The following GREB1L variants were observed in gnomAD, a reference collection of about 807,000 sequenced individuals.
GREB1L encodes the protein GREB1-like protein.
A neutral mutation model predicts 200.8 loss-of-function variants in GREB1L; 17 were observed. That is an observed-to-expected ratio of 0.08 (90% CI 0.06 to 0.13). The LOEUF (loss-of-function observed/expected upper bound fraction) is 0.13. Among genes scored for constraint, GREB1L ranks in the 10% least tolerant of loss-of-function variants. The pLI, the probability that GREB1L is intolerant of heterozygous loss-of-function variation, is 1.00. For synonymous variants in GREB1L, 789 were observed against 893.0 expected (o/e 0.88, Z 2.08); for missense variants, 1,657 against 2,367.7 (o/e 0.70, Z 6.23).
chr18:21,496,286 A>G (rs2145904237), intron 20 of GREB1L, among the ~76,000 whole-genome samples, 168 bp from the exon 21 acceptor site: 2 of 152,332 alleles, frequency 1.3e-5, no homozygotes, highest in Middle Eastern at 6.8e-3. Context: ...AAAGAAGTGA[A>G]GGTCATAACA....
At chr18:21,446,913 T>C (rs189142418) in intron 11 of GREB1L, among the ~76,000 whole-genome samples, 257 of 152,304 alleles carry the variant, frequency 1.7e-3, no homozygotes, top group African/African-American at 5.9e-3. Flanking sequence ...ATCTTTGAAG[T>C]AGATAATGAA....
intron 1 of GREB1L, among the ~76,000 whole-genome samples, chr18:21,245,791 C>G (rs1281824815): frequency 6.6e-6 from 1 of 152,198 alleles, no homozygotes; most frequent in Non-Finnish European, 1.5e-5. Context: ...GATCTCCACT[C>G]ACTGCAAGCT....
At chr18:21,307,513 C>T (rs1319718961) in intron 1 of GREB1L, among the ~76,000 whole-genome samples, 1 of 152,150 alleles carries the variant, frequency 6.6e-6, no homozygotes, top group Non-Finnish European at 1.5e-5. Context: ...GTGATTCTTT[C>T]TCATTGGATT....
At chr18:21,504,954 A>C (rs1035542369) in intron 23 of GREB1L, among the ~76,000 whole-genome samples, 2 of 152,116 alleles carry the variant, frequency 1.3e-5, no homozygotes, top group Non-Finnish European at 2.9e-5. Flanking sequence ...ATTCTGACTG[A>C]ACTATTCTGG....
intron 1 of GREB1L, among the ~76,000 whole-genome samples, chr18:21,329,232 C>A (rs952773514): frequency 6.7e-6 from 1 of 148,282 alleles, no homozygotes; most frequent in Middle Eastern, 3.5e-3. Context: ...GGCTGAGGCA[C>A]GAGAATGGCT....
chr18:21,508,778 T>A (rs2037122945), intron 27 of GREB1L, 187 bp downstream of exon 27: 1 of 616,120 alleles, frequency 1.6e-6, no homozygotes, highest in Non-Finnish European at 2.8e-6. Flanking sequence ...TTTCCCTTTA[T>A]CTGCACTTTT....
chr18:21,245,354 G>A (rs2037578872), intron 1 of GREB1L, among the ~76,000 whole-genome samples: 1 of 152,084 alleles, frequency 6.6e-6, no homozygotes, highest in South Asian at 2.1e-4. Flanking sequence ...CTAAGAATAA[G>A]AACTAGAAGA....
At chr18:21,358,200 T>G (rs2039532337) in intron 1 of GREB1L, among the ~76,000 whole-genome samples, 1 of 152,190 alleles carries the variant, frequency 6.6e-6, no homozygotes, top group Non-Finnish European at 1.5e-5. Flanking sequence ...TTTTTTTTTA[T>G]TTTGTAGCTA....
At chr18:21,383,485 TC>T in intron 2 of GREB1L, 24 bp from the exon 3 acceptor site, 1 of 1,473,418 alleles carries the variant, frequency 6.8e-7, no homozygotes, top group Non-Finnish European at 9.0e-7. Flanking sequence ...TTTTATCCTT[TC>T]TTCTTTTTCT....
chr18:21,429,388 G>A (rs1485121362), intron 7 of GREB1L, among the ~76,000 whole-genome samples: 2 of 147,906 alleles, frequency 1.4e-5, no homozygotes, highest in Non-Finnish European at 3.0e-5. Flanking sequence ...TGTAACCCAG[G>A]CTGGAGTGCA....
Position 21,403,923 on chromosome 18 carries a change from C to T in GREB1L, c.761C>T (p.Ser254Phe), listed in dbSNP as rs1410962683. 3.9e-6 allele frequency: 6 copies of T among 1,551,334 alleles called. No individual in the cohort carries two copies. In the East Asian group the frequency reaches 1.5e-4, roughly 38 times the overall value. The change falls in exon 7 of 33, where the codon TCT becomes TTT. Residue 254 changes from serine to phenylalanine, a missense_variant. Ser to Phe is a radical substitution (Grantham distance 155). Around this residue, in one of 9 missense-constraint regions of GREB1L, gnomAD observed 289 missense variants for 345.1 expected, o/e 0.84. Transcript: ENST00000424526. The stretch of plus-strand genomic sequence containing the variant: ...TCTTGCCACTCTATTAAGCCAAGCT[C>T]TTCAGTGTCGTCAACTGTGACCCCA... The part of the protein sequence containing the change: ...SASCHSIKPS[S>F]SVSSTVTPEN...
At chr18:21,408,399 G>T (rs1216395674) in intron 7 of GREB1L, among the ~76,000 whole-genome samples, 1 of 152,098 alleles carries the variant, frequency 6.6e-6, no homozygotes, top group Non-Finnish European at 1.5e-5. Flanking sequence ...TGAAATATGG[G>T]CAAAGGATTT....
chr18:21,397,103 C>T (rs1310462475), intron 5 of GREB1L, among the ~76,000 whole-genome samples: 1 of 152,088 alleles, frequency 6.6e-6, no homozygotes, highest in African/African-American at 2.4e-5. Context: ...AGCCTGCACA[C>T]GCTTTATAGA....
At chr18:21,360,281 C>T (rs1180503496) in intron 1 of GREB1L, among the ~76,000 whole-genome samples, 1 of 152,188 alleles carries the variant, frequency 6.6e-6, no homozygotes, top group Non-Finnish European at 1.5e-5. Context: ...TGCAGTGACA[C>T]GATCTCGGCT....
intron 7 of GREB1L, among the ~76,000 whole-genome samples, chr18:21,411,590 GT>G (rs1249270186): frequency 6.6e-6 from 1 of 152,106 alleles, no homozygotes; most frequent in Non-Finnish European, 1.5e-5. Flanking sequence ...CTGTAAGTAG[GT>G]TGCAATACAT....
At chr18:21,341,313 G>A (rs2039266200) in intron 1 of GREB1L, among the ~76,000 whole-genome samples, 1 of 152,172 alleles carries the variant, frequency 6.6e-6, no homozygotes, top group South Asian at 2.1e-4. Flanking sequence ...CACAGCATTG[G>A]CAAGGGTTCC....
At position 21,507,010 on chromosome 18, in the gene GREB1L, G is replaced by A. The variant is rs74615234; in HGVS notation, c.4368+1061G>A. 3.9e-5 allele frequency among the ~76,000 whole-genome samples: 6 copies of A among 152,272 alleles called. No individual in the cohort carries two copies. In the East Asian group the frequency reaches 5.8e-4, roughly 15 times the overall value. Reference sequence around the variant, plus strand: ...TGTTTCTGCTCTTCAGGGCCAGGTCGTCACCCTTTTCCCACATCTCATCCT... The same window carrying A: ...TGTTTCTGCTCTTCAGGGCCAGGTCATCACCCTTTTCCCACATCTCATCCT... On this transcript the variant is annotated intron_variant, in intron 25 of 32. Coordinates refer to ENST00000424526, the MANE Select transcript of GREB1L (RefSeq NM_001142966.3).
chr18:21,287,270 G>T (rs376462890), intron 1 of GREB1L, among the ~76,000 whole-genome samples: 86 of 152,104 alleles, frequency 5.7e-4, no homozygotes, highest in African/African-American at 1.9e-3. Flanking sequence ...TGCACTAATT[G>T]TTCTAAAGAA....
Position 21,414,090 on chromosome 18 carries a change from G to A in GREB1L, c.832+10096G>A, listed in dbSNP as rs372847566. 3.0e-4 allele frequency among the ~76,000 whole-genome samples: 45 copies of A among 152,178 alleles called. No homozygotes were observed. The East Asian group carries it at 3.5e-3, about 12-fold the overall frequency. On this transcript the variant is annotated intron_variant, in intron 7 of 32. Transcript: ENST00000424526. ...AGCGGGCTTAACCAAGAAAATAACC[G>A]AAATGGAGAGTCAAGATATTCACTG...
Sources: gnomAD v4.1 joint callset for allele counts (sites outside exome capture counted in the v4.1 genomes callset) on GRCh38, gnomAD v4.1.1 for gene constraint, gnomAD v4.1.1 regional missense constraint, MANE v1.5 for transcripts, NCBI Gene and HGNC (gene_info 2026-07-23, HGNC 2026-07-21) for gene names.